SEMA6C: variants seen among roughly 807,000 people sequenced by gnomAD.
SEMA6C encodes the protein semaphorin-6C.
Under a neutral mutation model 72.9 loss-of-function variants are expected in SEMA6C, and 37 were observed. The ratio of observed to expected loss-of-function variants is 0.51; its 90% confidence interval spans 0.39 to 0.67. The LOEUF is 0.67. Ranked by LOEUF, SEMA6C falls within the 30% of genes least tolerant of loss-of-function variation. SEMA6C has a pLI of 0.00. For synonymous variants in SEMA6C, 578 were observed against 554.1 expected (o/e 1.04, Z -0.61); for missense variants, 1,189 against 1,263.6 (o/e 0.94, Z 0.89).
In SEMA6C at chr1:151,139,715, TAAG is replaced by T. The variant is rs1240045547; in HGVS notation, c.234-17_234-15del. 6.3e-7 allele frequency: 1 copy of T among 1,591,780 alleles called. No individual in the cohort carries two copies. The highest frequency in any genetic ancestry group is 1.1e-5 in the South Asian group (1 of 88,596). ...AAAACGTGATCCCTGAGGGGGTAGG[TAAG>T]GAGGGGTCAGAGCCTAGTCAAGGCA... On this transcript the variant is annotated splice_polypyrimidine_tract_variant and intron_variant, in intron 4 of 18. Coordinates refer to ENST00000368914, the MANE Select transcript of SEMA6C (RefSeq NM_030913.6).
In SEMA6C at chr1:151,137,060, G is replaced by A. The variant is rs587760885; in HGVS notation, c.771C>T (p.Arg257=). The A allele has an allele frequency of 8.7e-6, 14 of 1,613,364 alleles. No individual in the cohort carries two copies. The highest frequency in any genetic ancestry group is 2.7e-5 in the African/African-American group (2 of 75,024). Residue 257 remains arginine, a synonymous_variant, in exon 11 of 19, where the codon CGC becomes CGT. Coordinates refer to ENST00000368914, the MANE Select transcript of SEMA6C (RefSeq NM_030913.6). ...TGTCACGTTTACATACTCGGGCTAC[G>A]CGGGAGAACTGCACCTAGGGGAGGA... ...DARLGRVQFS[R]VARVCKRDMG...
Position 151,138,420 on chromosome 1 carries a change from G to A in SEMA6C, c.457-14C>T, listed in dbSNP as rs182778085. The A allele has an allele frequency of 1.9e-6, 3 of 1,610,364 alleles. No homozygotes were observed. Among genetic ancestry groups the A allele is most frequent in the East Asian group, 2.2e-5 (1 of 44,758 alleles). On this transcript the variant is annotated splice_polypyrimidine_tract_variant and intron_variant, in intron 7 of 18. Coordinates refer to ENST00000368914, the MANE Select transcript of SEMA6C (RefSeq NM_030913.6). ...CAGCGAAGTTATCTGAGGGCAGAGG[G>A]AGCAGATGCCTGGAACCTTTAGGGT...
At position 151,136,532 on chromosome 1, in the gene SEMA6C, C is replaced by T. The variant is rs761487418; in HGVS notation, c.1022G>A (p.Arg341His). Residue 341 changes from arginine to histidine, a missense_variant, in exon 12 of 19, where the codon CGT becomes CAT. Coordinates refer to ENST00000368914, the MANE Select transcript of SEMA6C (RefSeq NM_030913.6). ...CTCCTTGAACTTGCCCTCAAACCCA[C>T]GCTCAATCTCATCCAGGTAGAAGGC... ...VCAFYLDEIE[R>H]GFEGKFKEQR... The T allele has an allele frequency of 7.4e-6, 12 of 1,613,994 alleles. No individual in the cohort carries two copies. Among genetic ancestry groups the T allele is most frequent in the Admixed American group, 3.3e-5 (2 of 59,998 alleles).
At position 151,145,405 on chromosome 1, in the gene SEMA6C, GA is replaced by G. The variant is rs981738689; in HGVS notation, c.-104-972del. 2.0e-5 allele frequency: 3 copies of G among 152,528 alleles called. No individual in the cohort carries two copies. Among genetic ancestry groups the G allele is most frequent in the African/African-American group, 7.2e-5 (3 of 41,454 alleles). The allele number at this position is 152,528 out of a possible 1,614,324, so 9.4% of individuals were successfully genotyped here. ...GCAGGGTCGCGCCAAGGAGCCTGTG[GA>G]ACCGGAGCTTTCCTTTCTCCAAGCC... On this transcript the variant is annotated intron_variant, in intron 1 of 18. Coordinates refer to ENST00000368914, the MANE Select transcript of SEMA6C (RefSeq NM_030913.6). This position sits in a 1 kb window ranked among gnomAD's most constrained non-coding sequence, Gnocchi z 4.4.
rs182997126 is a variant in SEMA6C, at chr1:151,143,241, C to T, written c.-54-566G>A. ...GGGAGGCAGCCTAGAGGTCACTGTG[C>T]TGGTCTAAGCTCATGCTTCAGGGGC... On this transcript the variant is annotated intron_variant, in intron 2 of 18. Transcript: ENST00000368914. Among the ~76,000 whole-genome samples the T allele has an allele frequency of 2.3e-3, 348 of 152,316 alleles. 2 individuals carry two copies. The highest frequency in any genetic ancestry group is 4.5e-3 in the Non-Finnish European group (303 of 68,016).
intron 2 of SEMA6C, among the ~76,000 whole-genome samples, chr1:151,143,366 A>C (rs1682714844): frequency 2.0e-5 from 3 of 152,126 alleles, no homozygotes. Context: ...TCAGAGGCTA[A>C]ATTTAGCTCT....
At chr1:151,140,513 T>C (rs1180597989) in intron 3 of SEMA6C, among the ~76,000 whole-genome samples, 7 of 152,166 alleles carry the variant, frequency 4.6e-5, no homozygotes, top group Non-Finnish European at 1.0e-4. Context: ...GGAGCATTTA[T>C]TCACTCCGTT....
chr1:151,139,715 T>A lies in SEMA6C; in HGVS notation c.234-14A>T. The A allele has an allele frequency of 1.9e-6, 3 of 1,591,780 alleles. No individual in the cohort carries two copies. Among genetic ancestry groups the A allele is most frequent in the Non-Finnish European group, 1.7e-6 (2 of 1,165,392 alleles). On this transcript the variant is annotated splice_polypyrimidine_tract_variant and intron_variant, in intron 4 of 18. Transcript: ENST00000368914. ...AAAACGTGATCCCTGAGGGGGTAGGTAAGGAGGGGTCAGAGCCTAGTCAAG... is the reference window on the plus strand; with the variant it reads ...AAAACGTGATCCCTGAGGGGGTAGGAAAGGAGGGGTCAGAGCCTAGTCAAG...
rs587637610 is a variant in SEMA6C at position 151,132,700 on chromosome 1, G to A, written c.2577C>T (p.Ala859=). ...GRRLPFSGHR[A]PPALLTRVPS... ...GGACTCGAGTGAGCAGGGCAGGGGG[G>A]GCCCGGTGGCCGGAGAAAGGCAACC... Residue 859 remains alanine, a synonymous_variant, in exon 19 of 19, where the codon GCC becomes GCT. Coordinates refer to ENST00000368914, the MANE Select transcript of SEMA6C (RefSeq NM_030913.6). 31 of 1,492,600 alleles carry A rather than the reference G, an allele frequency of 2.1e-5. No individual in the cohort carries two copies. Among genetic ancestry groups the A allele is most frequent in the Middle Eastern group, 3.8e-4 (2 of 5,316 alleles). The allele number at this position is 1,492,600 out of a possible 1,614,324, so 92.5% of individuals were successfully genotyped here.
In SEMA6C at chr1:151,133,827, G is replaced by A. The variant is rs1681789212; in HGVS notation, c.1760-310C>T. The A allele has an allele frequency of 1.1e-6, 1 of 924,576 alleles. No individual in the cohort carries two copies. The highest frequency in any genetic ancestry group is 1.6e-6 in the Non-Finnish European group (1 of 611,426). The allele number at this position is 924,576 out of a possible 1,614,324, so 57.3% of individuals were successfully genotyped here. ...GTGCAGGAGAACTCGGGGCTGGGAT[G>A]CCCAATTCTGGGGAAGGGAGGCTCC... is the stretch of plus-strand genomic sequence containing the variant. On this transcript the variant is annotated intron_variant, in intron 18 of 18. Transcript: ENST00000368914. The surrounding 1 kb of genome is among the most constrained non-coding windows in gnomAD (Gnocchi z 5.9).
Position 151,132,757 on chromosome 1 carries a change from G to A in SEMA6C, c.2520C>T (p.Pro840=), listed in dbSNP as rs1414478505. 1 of 1,441,928 alleles carries A rather than the reference G, an allele frequency of 6.9e-7. No homozygotes were observed. The allele number at this position is 1,441,928 out of a possible 1,614,324, so 89.3% of individuals were successfully genotyped here. The change falls in exon 19 of 19, where the codon CCC becomes CCT. Residue 840 remains proline (P), a synonymous_variant. Transcript: ENST00000368914. ...CTCCGCCGACGCCCAGCCGGGGAGC[G>A]GGGGCGGAGAGCGCGGGCCGGGCGG... ...SAPARPALSA[P]APRLGVGGGR...
At chr1:151,140,161 A>C in intron 3 of SEMA6C, 71 bp from the exon 4 acceptor site, 1 of 1,269,808 alleles carries the variant, frequency 7.9e-7, no homozygotes. Flanking sequence ...AACCAGATGA[A>C]ACCCAGCAGT....
intron 3 of SEMA6C, among the ~76,000 whole-genome samples, chr1:151,141,516 TCTC>T (rs1682550294): frequency 6.6e-6 from 1 of 151,998 alleles, no homozygotes; most frequent in Non-Finnish European, 1.5e-5. Flanking sequence ...TTCAAGCAAT[TCTC>T]CTGCCTCAGC....
At position 151,135,156 on chromosome 1, in the gene SEMA6C, C is replaced by T. The variant is rs1248535642; in HGVS notation, c.1580+7G>A. ...CCACACAGGGCCTGGCCTCAGGCCC[C>T]TCTCACCTCTGACAGGCCCCATGCC... is the stretch of plus-strand genomic sequence containing the variant. On this transcript the variant is annotated splice_region_variant and intron_variant, in intron 15 of 18. Coordinates refer to ENST00000368914, the MANE Select transcript of SEMA6C (RefSeq NM_030913.6). The T allele has an allele frequency of 2.5e-6, 4 of 1,613,302 alleles. No individual in the cohort carries two copies. The highest frequency in any genetic ancestry group is 2.5e-6 in the Non-Finnish European group (3 of 1,179,584).
chr1:151,133,173 C>T lies in SEMA6C; in HGVS notation c.2104G>A (p.Glu702Lys), dbSNP rs1451155731. Residue 702 changes from glutamate (E) to lysine (K), a missense_variant, in exon 19 of 19, where the codon GAG (glutamate) becomes AAG (lysine). Around this residue, in one of 2 missense-constraint regions of SEMA6C, gnomAD observed 721 missense variants for 686.2 expected, o/e 1.05. Transcript: ENST00000368914. The surrounding 1 kb of genome is among the most constrained non-coding windows in gnomAD (Gnocchi z 5.9). ...TTGACCGGCAGCTCCGGCGTGGACT[C>T]GGGGGTGGGCAGGCAGGCCAGCTCC... ...PPELACLPTP[E>K]STPELPVKHL... 1 of 1,558,954 alleles carries T rather than the reference C, an allele frequency of 6.4e-7. No homozygotes were observed. The highest frequency in any genetic ancestry group is 8.6e-7 in the Non-Finnish European group (1 of 1,163,554).
Position 151,145,436 on chromosome 1 carries a change from C to G in SEMA6C, c.-105+997G>C, listed in dbSNP as rs1435118733. 1 of 152,556 alleles carries G rather than the reference C, an allele frequency of 6.6e-6. No individual in the cohort carries two copies. The highest frequency in any genetic ancestry group is 1.5e-5 in the Non-Finnish European group (1 of 68,312). 9.5% of individuals were successfully genotyped at this position (152,556 alleles called of 1,614,324 possible). ...GAGCTTTCCTTTCTCCAAGCCATTTCCCCCACTCTTAGCTCTTAGCCCCAC... is the reference window on the plus strand; with the variant it reads ...GAGCTTTCCTTTCTCCAAGCCATTTGCCCCACTCTTAGCTCTTAGCCCCAC... On this transcript the variant is annotated intron_variant, in intron 1 of 18. Transcript: ENST00000368914. This position sits in a 1 kb window ranked among gnomAD's most constrained non-coding sequence, Gnocchi z 4.4.
rs141935930 is a variant in SEMA6C, at chr1:151,138,024, G to A, written c.629C>T (p.Pro210Leu). ...VVYRSLGPQP[P>L]LRSAKYDSKW... The stretch of plus-strand genomic sequence containing the variant: ...GGAGTCATACTTGGCGGAGCGGAGT[G>A]GGGGCTGGGGCCCAAGGCTTCTGTA... The change falls in exon 9 of 19, where the codon CCA becomes CTA. Residue 210 changes from proline to leucine, a missense_variant. Pro to Leu is a moderately conservative substitution (Grantham distance 98). Transcript: ENST00000368914. The A allele has an allele frequency of 2.5e-6, 4 of 1,614,164 alleles. No individual in the cohort carries two copies. Among genetic ancestry groups the A allele is most frequent in the Non-Finnish European group, 3.4e-6 (4 of 1,180,012 alleles).
At position 151,137,761 on chromosome 1, in the gene SEMA6C, C is replaced by T. The variant is rs1279363250; in HGVS notation, c.706G>A (p.Val236Ile). The stretch of plus-strand genomic sequence containing the variant: ...GAGACCTCGCGGAAGAAGAAGTAGA[C>T]ATGGTCTCCATGCTCCAAGGCCTGG... ...FVQALEHGDH[V>I]YFFFREVSVE... Residue 236 changes from valine (V) to isoleucine (I), a missense_variant, in exon 10 of 19, where the codon GTC (valine) becomes ATC (isoleucine). By Grantham distance (29) the Val-to-Ile change is conservative. Around this residue, in one of 2 missense-constraint regions of SEMA6C, gnomAD observed 468 missense variants for 577.4 expected, o/e 0.81. Coordinates refer to ENST00000368914, the MANE Select transcript of SEMA6C (RefSeq NM_030913.6). The T allele has an allele frequency of 6.2e-7, 1 of 1,613,790 alleles. No homozygotes were observed. Among genetic ancestry groups the T allele is most frequent in the Non-Finnish European group, 8.5e-7 (1 of 1,179,770 alleles).
At chr1:151,134,052 A>AGC in intron 18 of SEMA6C, 1 of 1,514,332 alleles carries the variant, frequency 6.6e-7, no homozygotes, top group Non-Finnish European at 8.8e-7. Flanking sequence ...AGGACCCGGA[A>AGC]GCACTGGTGG....
Sources: gnomAD v4.1 joint callset for allele counts (sites outside exome capture counted in the v4.1 genomes callset) on GRCh38, gnomAD v4.1.1 for gene constraint, gnomAD v4.1.1 regional missense constraint, Gnocchi (gnomAD v3.1) non-coding constraint, MANE v1.5 for transcripts, NCBI Gene and HGNC (gene_info 2026-07-23, HGNC 2026-07-21) for gene names.